Variants in SNX10 observed in about 807,000 individuals in gnomAD.
SNX10 encodes sorting nexin 10, also known as sorting nexin-10.
SNX10 carries 25 observed loss-of-function variants against 28.5 expected under a neutral mutation model. The observed-to-expected ratio is 0.88, with a 90% CI of 0.64 to 1.22. The LOEUF is 1.22. SNX10 is among the 50% of genes most tolerant of loss of function. SNX10 has a pLI of 0.00. For missense variants in SNX10, 223 were observed against 242.6 expected (o/e 0.92, Z 0.54); for synonymous variants, 62 against 81.4 (o/e 0.76, Z 1.28).
chr7:26,347,172 C>G (rs187046072), intron 2 of SNX10, among the ~76,000 whole-genome samples: 1 of 152,292 alleles, frequency 6.6e-6, no homozygotes, highest in African/African-American at 2.4e-5. Flanking sequence ...TCACATGGTC[C>G]CAGCTCACCC....
intron 1 of SNX10, among the ~76,000 whole-genome samples, chr7:26,319,516 C>A (rs1448409061): frequency 6.6e-6 from 1 of 152,136 alleles, no homozygotes; most frequent in Non-Finnish European, 1.5e-5. Context: ...GTTGGAAAGA[C>A]ATTTCAGTGA....
chr7:26,360,171 C>T (rs182849154), intron 2 of SNX10, among the ~76,000 whole-genome samples: 3 of 152,248 alleles, frequency 2.0e-5, no homozygotes, highest in East Asian at 3.9e-4. Flanking sequence ...AAGTTATTAT[C>T]GCTTATTCTC....
chr7:26,348,257 C>T (rs1173940869), intron 2 of SNX10, among the ~76,000 whole-genome samples: 1 of 152,140 alleles, frequency 6.6e-6, no homozygotes, highest in Non-Finnish European at 1.5e-5. Flanking sequence ...TTTAAGTAAT[C>T]CTGAGACCAA....
intron 1 of SNX10, among the ~76,000 whole-genome samples, chr7:26,341,824 G>A (rs1026303033): frequency 1.3e-5 from 2 of 151,842 alleles, no homozygotes; most frequent in Admixed American, 1.3e-4. Context: ...AAGGTAGCCT[G>A]GGGAGTTTGG....
chr7:26,297,006 C>A (rs34889455), intron 1 of SNX10, among the ~76,000 whole-genome samples: 22,870 of 152,194 alleles, frequency 0.15, 2,353 homozygotes, highest in Non-Finnish European at 0.23. Context: ...TGACTCATAC[C>A]ATTCACAAAA....
chr7:26,292,997 G>A (rs1314928461), intron 1 of SNX10: 1 of 152,246 alleles, frequency 6.6e-6, no homozygotes. Context: ...TCCTCTCCCA[G>A]GAGGGGGCTG....
intron 1 of SNX10, among the ~76,000 whole-genome samples, chr7:26,337,254 A>G (rs1352147621): frequency 3.3e-5 from 5 of 152,256 alleles, no homozygotes; most frequent in Non-Finnish European, 5.9e-5. Flanking sequence ...TAAGAAACAC[A>G]TGAAATTTGC....
intron 1 of SNX10, among the ~76,000 whole-genome samples, chr7:26,312,382 T>C (rs1786882922): frequency 6.6e-6 from 1 of 152,270 alleles, no homozygotes; most frequent in African/African-American, 2.4e-5. Context: ...CTTTATGTTA[T>C]GTATTAAGGA....
At chr7:26,352,865 T>C (rs1262003752) in intron 2 of SNX10, among the ~76,000 whole-genome samples, 2 of 152,196 alleles carry the variant, frequency 1.3e-5, no homozygotes, top group African/African-American at 4.8e-5. Context: ...TTCTCTCTTT[T>C]CCCCCTTTTG....
intron 5 of SNX10, among the ~76,000 whole-genome samples, chr7:26,371,583 C>T (rs1295352594): frequency 6.6e-6 from 1 of 152,052 alleles, no homozygotes; most frequent in Non-Finnish European, 1.5e-5. Context: ...TGAAGTTATT[C>T]TTTTAACAGA....
At chr7:26,302,289 G>A (rs1351709351) in intron 1 of SNX10, among the ~76,000 whole-genome samples, 1 of 152,168 alleles carries the variant, frequency 6.6e-6, no homozygotes, top group Admixed American at 6.6e-5. Flanking sequence ...CAAGCTGTGT[G>A]GGCCCAGAAT....
intron 1 of SNX10, among the ~76,000 whole-genome samples, chr7:26,328,446 TA>T (rs905169083): frequency 1.3e-5 from 2 of 152,150 alleles, no homozygotes; most frequent in Admixed American, 1.3e-4. Context: ...AAGAGACCGC[TA>T]GGAGGTGGCC....
In SNX10 at chr7:26,372,569, C is replaced by T. The variant is rs1562825973; in HGVS notation, c.603C>T (p.Ser201=). 3.8e-6 allele frequency: 6 copies of T among 1,573,674 alleles called. No individual in the cohort carries two copies. Among genetic ancestry groups the T allele is most frequent in the Non-Finnish European group, 5.2e-6 (6 of 1,143,384 alleles). The stretch of plus-strand genomic sequence containing the variant: ...AAGTAAATACAGCTCCGCAGGAATC[C>T]TGAAAAATAATTCTAATGTTACTAT... ...GCKVNTAPQE[S] The change falls in exon 7 of 7, where the codon TCC becomes TCT. Residue 201 remains serine (S), a synonymous_variant. Coordinates refer to ENST00000338523, the MANE Select transcript of SNX10 (RefSeq NM_013322.3).
intron 2 of SNX10, among the ~76,000 whole-genome samples, chr7:26,353,571 C>T (rs1017957175): frequency 6.6e-6 from 1 of 151,624 alleles, no homozygotes; most frequent in Non-Finnish European, 1.5e-5. Flanking sequence ...CCTGCCTCAG[C>T]CTCCCGAGTA....
chr7:26,306,785 C>T (rs1786611659), intron 1 of SNX10, among the ~76,000 whole-genome samples: 1 of 152,176 alleles, frequency 6.6e-6, no homozygotes, highest in East Asian at 1.9e-4. Context: ...CTGGGAAAGT[C>T]TGAGAATGAA....
In SNX10 at chr7:26,342,974, T is replaced by G. The variant is rs2128010390; in HGVS notation, c.-23-3446T>G. ...ACAGGCGCATGCTATCATGCCCAGC[T>G]AATTTTTGTATTTTTTGTAGAGATG... On this transcript the variant is annotated intron_variant, in intron 1 of 6. Transcript: ENST00000338523. Among the ~76,000 whole-genome samples the G allele has an allele frequency of 3.3e-5, 5 of 152,180 alleles. No individual in the cohort carries two copies. The South Asian group carries it at 1.0e-3, about 32-fold the overall frequency.
intron 1 of SNX10, among the ~76,000 whole-genome samples, chr7:26,320,068 A>G (rs975508996): frequency 2.0e-4 from 30 of 150,696 alleles, no homozygotes; most frequent in Non-Finnish European, 3.7e-4. Context: ...TGCAACCTCC[A>G]CCTCCCGGGT....
chr7:26,324,263 G>A lies in SNX10; in HGVS notation c.-23-22157G>A, dbSNP rs1327470517. Among the ~76,000 whole-genome samples, 3 of 132,606 alleles carry A rather than the reference G, an allele frequency of 2.3e-5. No individual in the cohort carries two copies. The East Asian group carries it at 6.0e-4, about 26-fold the overall frequency. 87.0% of individuals were successfully genotyped at this position (132,606 alleles called of 152,430 possible). On this transcript the variant is annotated intron_variant, in intron 1 of 6. Coordinates refer to ENST00000338523, the MANE Select transcript of SNX10 (RefSeq NM_013322.3). ...ATGATTATATCAATTAAAAAAATGT[G>A]TGTGAGAAAAAAACCGTAAGGAAGT...
intron 1 of SNX10, among the ~76,000 whole-genome samples, chr7:26,310,683 AT>A (rs5883024): frequency 0.58 from 80,953 of 140,134 alleles, 23,395 homozygotes; most frequent in East Asian, 0.8. Flanking sequence ...GCGAGGAACA[AT>A]TTTTTTTTTT....
Sources: allele counts gnomAD v4.1 joint callset (sites outside exome capture counted in the v4.1 genomes callset), GRCh38; gene constraint gnomAD v4.1.1; transcripts MANE v1.5; gene names NCBI Gene and HGNC (gene_info 2026-07-23, HGNC 2026-07-21).